The following ITPR1 variants were observed in gnomAD, a reference collection of about 807,000 sequenced individuals.
ITPR1 encodes inositol 1,4,5-trisphosphate-gated calcium channel ITPR1.
Under a neutral mutation model 318.4 loss-of-function variants are expected in ITPR1, and 96 were observed. The observed-to-expected ratio is 0.30, with a 90% CI of 0.26 to 0.36. The LOEUF (loss-of-function observed/expected upper bound fraction) is 0.36. ITPR1 is among the 10% of genes least tolerant of loss of function. ITPR1 has a pLI of 1.00. For missense variants in ITPR1, 2,440 were observed against 3,460.2 expected, an observed-to-expected ratio of 0.71 and a Z score of 7.40; for synonymous variants, 1,312 against 1,289.9, an observed-to-expected ratio of 1.02 and a Z score of -0.37.
intron 13 of ITPR1, among the ~76,000 whole-genome samples, chr3:4,660,311 AT>A (rs2093804294): frequency 6.6e-6 from 1 of 151,606 alleles, no homozygotes; most frequent in Non-Finnish European, 1.5e-5. Flanking sequence ...CAATATTCAT[AT>A]TTTTCTTATT....
intron 52 of ITPR1, 110 bp from the exon 53 acceptor site, chr3:4,794,954 CG>C: frequency 8.2e-7 from 1 of 1,213,558 alleles, no homozygotes. Flanking sequence ...TGGTAAAAAC[CG>C]GGAACAAAAG....
intron 18 of ITPR1, among the ~76,000 whole-genome samples, chr3:4,668,429 ATGT>A (rs2093997727): frequency 6.6e-6 from 1 of 151,378 alleles, no homozygotes; most frequent in African/African-American, 2.4e-5. Context: ...AGTTCCATCC[ATGT>A]TGTTGCAAAT....
intron 4 of ITPR1, among the ~76,000 whole-genome samples, chr3:4,575,161 G>A (rs971919878): frequency 4.6e-5 from 7 of 152,198 alleles, no homozygotes; most frequent in Non-Finnish European, 8.8e-5. Flanking sequence ...AGATCTCCTG[G>A]TGGAGATACT....
chr3:4,634,173 C>G (rs568279616), intron 5 of ITPR1, among the ~76,000 whole-genome samples: 1 of 151,900 alleles, frequency 6.6e-6, no homozygotes, highest in Non-Finnish European at 1.5e-5. Context: ...TTTAAATTAT[C>G]AGGATTTTAA....
At chr3:4,645,020 C>A (rs1340151386) in intron 8 of ITPR1, among the ~76,000 whole-genome samples, 1 of 152,204 alleles carries the variant, frequency 6.6e-6, no homozygotes, top group African/African-American at 2.4e-5. Flanking sequence ...ACACTGGACT[C>A]ATTTTTTTTC....
At chr3:4,592,349 C>T (rs562550579) in intron 4 of ITPR1, among the ~76,000 whole-genome samples, 1 of 152,198 alleles carries the variant, frequency 6.6e-6, no homozygotes, top group African/African-American at 2.4e-5. Context: ...ATTCATTGTA[C>T]GTAAACATTT....
intron 3 of ITPR1, 57 bp downstream of exon 3, chr3:4,516,640 C>T: frequency 9.6e-7 from 1 of 1,039,028 alleles, no homozygotes. Flanking sequence ...ATAACATCAG[C>T]TTAAAACTGT....
intron 4 of ITPR1, among the ~76,000 whole-genome samples, chr3:4,605,642 G>A (rs544771951): frequency 3.9e-4 from 60 of 152,176 alleles, no homozygotes; most frequent in Admixed American, 9.8e-4. Flanking sequence ...TCAAGCAGCT[G>A]TGTAAAAGGT....
At chr3:4,744,436 T>G (rs1312972995) in intron 44 of ITPR1, among the ~76,000 whole-genome samples, 1 of 152,144 alleles carries the variant, frequency 6.6e-6, no homozygotes, top group Non-Finnish European at 1.5e-5. Flanking sequence ...CCTCTGGAGG[T>G]TCAGGGATTA....
intron 60 of ITPR1, among the ~76,000 whole-genome samples, chr3:4,819,622 G>A (rs906559898): frequency 2.0e-5 from 3 of 152,110 alleles, no homozygotes; most frequent in South Asian, 2.1e-4. Context: ...GGCCCTCTTC[G>A]GTTTGTAAAA....
intron 4 of ITPR1, among the ~76,000 whole-genome samples, chr3:4,542,828 T>C (rs917956662): frequency 6.6e-6 from 1 of 152,220 alleles, no homozygotes; most frequent in African/African-American, 2.4e-5. Flanking sequence ...GTTCTCGCTT[T>C]AGAAAGGACA....
At chr3:4,611,016 C>G (rs1275774400) in intron 4 of ITPR1, among the ~76,000 whole-genome samples, 1 of 60,000 alleles carries the variant, frequency 1.7e-5, no homozygotes, top group South Asian at 9.2e-4. Flanking sequence ...CTTCCCTTCC[C>G]CTTCCCCTTC....
intron 34 of ITPR1, among the ~76,000 whole-genome samples, chr3:4,697,532 A>G (rs1219327474): frequency 7.0e-6 from 1 of 142,604 alleles, no homozygotes; most frequent in Non-Finnish European, 1.5e-5. Flanking sequence ...GTTCACTGCA[A>G]CCTCTACCTC....
rs2046680291 is a variant in ITPR1, at chr3:4,779,440, T to C, written c.6292-110T>C. On this transcript the variant is annotated intron_variant, in intron 48 of 61. Coordinates refer to ENST00000649015, the MANE Select transcript of ITPR1 (RefSeq NM_001378452.1). This position sits in a 1 kb window ranked among gnomAD's most constrained non-coding sequence, Gnocchi z 4.0. The stretch of plus-strand genomic sequence containing the variant: ...CCCAGAGCTTCCTCATGGGGTGAAA[T>C]GTTCGTCTGTTTAGCCGGGATGCCT... 1.3e-6 allele frequency: 1 copy of C among 742,866 alleles called. No homozygotes were observed. Among genetic ancestry groups the C allele is most frequent in the South Asian group, 1.5e-5 (1 of 68,108 alleles). 46.0% of individuals were successfully genotyped at this position (742,866 alleles called of 1,614,324 possible). A position where few individuals can be genotyped will look rare whatever the true frequency, so the allele number is the denominator to read the frequency against.
At chr3:4,812,939 A>G (rs926859293) in intron 56 of ITPR1, 3 of 590,164 alleles carry the variant, frequency 5.1e-6, no homozygotes, top group Non-Finnish European at 9.1e-6. Flanking sequence ...TAGTAAGCCT[A>G]CAGGAATTGA....
intron 4 of ITPR1, among the ~76,000 whole-genome samples, chr3:4,573,432 C>G (rs907146012): frequency 6.6e-6 from 1 of 152,194 alleles, no homozygotes; most frequent in Non-Finnish European, 1.5e-5. Context: ...CTCCTGGTCT[C>G]AATCCTTGCC....
chr3:4,649,345 A>G (rs919278349), intron 10 of ITPR1, among the ~76,000 whole-genome samples: 2 of 152,304 alleles, frequency 1.3e-5, no homozygotes, highest in Non-Finnish European at 1.5e-5. Flanking sequence ...CTCATTTTTT[A>G]AAATGGATTC....
intron 35 of ITPR1, 73 bp downstream of exon 35, chr3:4,700,014 A>G (rs1264400046): frequency 1.4e-6 from 2 of 1,402,300 alleles, no homozygotes; most frequent in Non-Finnish European, 2.0e-6. Context: ...TGAATTTGGG[A>G]GTAAGCAATT....
chr3:4,613,767 G>C (rs1357050030), intron 4 of ITPR1, among the ~76,000 whole-genome samples: 3 of 152,068 alleles, frequency 2.0e-5, no homozygotes, highest in African/African-American at 7.2e-5. Flanking sequence ...GACATGAAAA[G>C]CATTTTATTT....
Sources: gnomAD v4.1 joint callset for allele counts (sites outside exome capture counted in the v4.1 genomes callset) on GRCh38, gnomAD v4.1.1 for gene constraint, Gnocchi (gnomAD v3.1) non-coding constraint, MANE v1.5 for transcripts, NCBI Gene and HGNC (gene_info 2026-07-23, HGNC 2026-07-21) for gene names.